The following IL1RAPL1 variants were observed in gnomAD, a reference collection of about 807,000 sequenced individuals.
IL1RAPL1 encodes the protein interleukin-1 receptor accessory protein-like 1.
A neutral mutation model predicts 48.4 loss-of-function variants in IL1RAPL1; 3 were observed. The observed-to-expected ratio is 0.06, with a 90% CI of 0.03 to 0.16. The LOEUF (loss-of-function observed/expected upper bound fraction) is 0.16. IL1RAPL1 is among the 10% of genes least tolerant of loss of function. The probability of loss-of-function intolerance (pLI) is 1.00; values close to 1 mark genes in which losing one functional copy is unlikely to be tolerated. For synonymous variants in IL1RAPL1, 185 were observed against 187.7 expected, an observed-to-expected ratio of 0.99 and a Z score of 0.12; for missense variants, 349 against 530.6, an observed-to-expected ratio of 0.66 and a Z score of 3.36.
At chrX:28,669,473 G>A (rs1934922446) in intron 1 of IL1RAPL1, among the ~76,000 whole-genome samples, 1 of 108,073 alleles carries the variant, frequency 9.3e-6, no homozygotes, top group African/African-American at 3.4e-5. Context: ...AAAAAAACTA[G>A]CCCCTTGTGG....
At chrX:29,791,726 C>CT (rs1192890486) in intron 6 of IL1RAPL1, among the ~76,000 whole-genome samples, 102 of 75,351 alleles carry the variant, frequency 1.4e-3, no homozygotes, top group East Asian at 4.7e-3. Flanking sequence ...GCCCAGCCTT[C>CT]TTTTTTTTTT....
At position 29,459,233 on chromosome X, in the gene IL1RAPL1, G is replaced by A. The variant is rs989801159; in HGVS notation, c.703+59925G>A. On this transcript the variant is annotated intron_variant, in intron 5 of 10. Transcript: ENST00000378993. The stretch of plus-strand genomic sequence containing the variant: ...GGTGATTTCTGGTGGACAGAATGTG[G>A]ATAGTTTAAGAAATTGAATTTTTAT... Among the ~76,000 whole-genome samples the A allele has an allele frequency of 3.6e-5, 4 of 111,851 alleles. No individual in the cohort carries two copies. The Admixed American group carries it at 3.8e-4, about 11-fold the overall frequency.
intron 2 of IL1RAPL1, among the ~76,000 whole-genome samples, chrX:29,255,943 G>A (rs997763473): frequency 9.5e-4 from 106 of 111,424 alleles, no homozygotes; most frequent in African/African-American, 3.1e-3. Context: ...ATTTTTGCTA[G>A]AAGAATTTAT....
chrX:29,756,601 C>G (rs775098001), intron 6 of IL1RAPL1, among the ~76,000 whole-genome samples: 1 of 110,184 alleles, frequency 9.1e-6, no homozygotes, highest in Admixed American at 9.7e-5. Flanking sequence ...TTAATAGAGA[C>G]GGGGTTTCAC....
chrX:28,773,928 G>T (rs955184943), intron 1 of IL1RAPL1, among the ~76,000 whole-genome samples: 1 of 111,907 alleles, frequency 8.9e-6, no homozygotes, highest in Non-Finnish European at 1.9e-5. Flanking sequence ...AAATGTCCAC[G>T]TTAAAGTTAC....
chrX:29,489,801 A>G (rs1425808791), intron 5 of IL1RAPL1, among the ~76,000 whole-genome samples: 1 of 111,944 alleles, frequency 8.9e-6, no homozygotes, highest in Non-Finnish European at 1.9e-5. Flanking sequence ...TATAGGCTTA[A>G]TACTATGCAA....
intron 5 of IL1RAPL1, among the ~76,000 whole-genome samples, chrX:29,648,746 A>C (rs1227039438): frequency 9.0e-6 from 1 of 111,451 alleles, no homozygotes; most frequent in Non-Finnish European, 1.9e-5. Flanking sequence ...GTAGAAACTC[A>C]ACCCAAAATT....
chrX:28,732,791 C>T (rs988790326), intron 1 of IL1RAPL1, among the ~76,000 whole-genome samples: 2 of 111,152 alleles, frequency 1.8e-5, no homozygotes, highest in Admixed American at 9.6e-5. Context: ...ATTGCTTGAA[C>T]CCGGGAGGCA....
At chrX:29,754,250 G>A (rs1339568779) in intron 6 of IL1RAPL1, among the ~76,000 whole-genome samples, 2 of 111,614 alleles carry the variant, frequency 1.8e-5, no homozygotes, top group Non-Finnish European at 3.8e-5. Context: ...TGGATAAATT[G>A]ATCTCATTAT....
chrX:28,745,831 A>G (rs1446724192), intron 1 of IL1RAPL1, among the ~76,000 whole-genome samples: 1 of 112,180 alleles, frequency 8.9e-6, no homozygotes, highest in East Asian at 2.8e-4. Flanking sequence ...CTGATTACAC[A>G]AAACTAATGC....
chrX:28,680,314 T>A (rs1360001473), intron 1 of IL1RAPL1, among the ~76,000 whole-genome samples: 1 of 111,663 alleles, frequency 9.0e-6, no homozygotes, highest in Non-Finnish European at 1.9e-5. Flanking sequence ...TAATTTTGTA[T>A]CTTGCAACTT....
chrX:29,418,090 A>AAT lies in IL1RAPL1; in HGVS notation c.703+18817_703+18818dup, dbSNP rs1184407912. 7.1e-4 allele frequency among the ~76,000 whole-genome samples: 36 copies of AAT among 51,043 alleles called. 1 individual carries two copies. Among genetic ancestry groups the AAT allele is most frequent in the East Asian group, 6.3e-3 (9 of 1,426 alleles). The allele number at this position is 51,043 out of a possible 115,157, so 44.3% of individuals were successfully genotyped here. On this transcript the variant is annotated intron_variant, in intron 5 of 10. Coordinates refer to ENST00000378993, the MANE Select transcript of IL1RAPL1 (RefSeq NM_014271.4). Reference sequence around the variant, plus strand: ...AGAAACGTGTTCTTTTTAAAAAAGTAATATATATATATATATATATATATA... The same window carrying AAT: ...AGAAACGTGTTCTTTTTAAAAAAGTAATATATATATATATATATATATATATA...
At chrX:28,600,261 G>T (rs1934007440) in intron 1 of IL1RAPL1, among the ~76,000 whole-genome samples, 1 of 111,840 alleles carries the variant, frequency 8.9e-6, no homozygotes, top group African/African-American at 3.3e-5. Context: ...ATAAGGCCTT[G>T]CTCTATGTAG....
chrX:29,610,803 C>A (rs1924068030), intron 5 of IL1RAPL1, among the ~76,000 whole-genome samples: 1 of 112,061 alleles, frequency 8.9e-6, no homozygotes, highest in African/African-American at 3.2e-5. Context: ...CTTTTGGGCT[C>A]CTGCCCCACA....
intron 1 of IL1RAPL1, among the ~76,000 whole-genome samples, chrX:28,746,310 T>C (rs1012230958): frequency 8.9e-6 from 1 of 111,786 alleles, no homozygotes; most frequent in African/African-American, 3.2e-5. Context: ...AAAGAATTAC[T>C]CTGAGGACAA....
intron 5 of IL1RAPL1, among the ~76,000 whole-genome samples, chrX:29,423,521 A>G (rs778186069): frequency 8.9e-6 from 1 of 112,269 alleles, no homozygotes; most frequent in Admixed American, 9.4e-5. Flanking sequence ...TGTCAACGCC[A>G]GAATAGTTTG....
At chrX:29,941,620 A>G (rs201062580) in intron 8 of IL1RAPL1, 31 bp from the exon 9 acceptor site, 225 of 1,195,894 alleles carry the variant, frequency 1.9e-4, no homozygotes, top group Non-Finnish European at 2.4e-4. Flanking sequence ...TGAATACCAT[A>G]TAATTCCCCA....
chrX:29,062,823 C>T (rs781593290), intron 2 of IL1RAPL1, among the ~76,000 whole-genome samples: 250 of 111,350 alleles, frequency 2.2e-3, no homozygotes, highest in African/African-American at 7.9e-3. Flanking sequence ...GTCCATGCAT[C>T]TTAGTATTTC....
At chrX:29,587,435 T>C (rs935395180) in intron 5 of IL1RAPL1, among the ~76,000 whole-genome samples, 1 of 110,274 alleles carries the variant, frequency 9.1e-6, no homozygotes, top group Non-Finnish European at 1.9e-5. Context: ...TTCAATTAGA[T>C]AGGAAGAGTA....
Sources: allele counts gnomAD v4.1 joint callset (sites outside exome capture counted in the v4.1 genomes callset), GRCh38; gene constraint gnomAD v4.1.1; transcripts MANE v1.5; gene names NCBI Gene and HGNC (gene_info 2026-07-23, HGNC 2026-07-21).